The following MBTD1 variants were observed in gnomAD, a reference collection of about 807,000 sequenced individuals.
MBTD1 encodes the protein MBT domain-containing protein 1.
MBTD1 carries 24 observed loss-of-function variants against 87.8 expected under a neutral mutation model. The observed-to-expected ratio is 0.27, with a 90% CI of 0.20 to 0.38. The LOEUF (loss-of-function observed/expected upper bound fraction) is 0.38, where lower values mean the gene tolerates loss of function less well. MBTD1 is among the 10% of genes least tolerant of loss of function. The probability of loss-of-function intolerance (pLI) is 1.00; values close to 1 mark genes in which losing one functional copy is unlikely to be tolerated. For missense variants in MBTD1, 436 were observed against 760.2 expected, an observed-to-expected ratio of 0.57 and a Z score of 5.02; for synonymous variants, 237 against 248.6, an observed-to-expected ratio of 0.95 and a Z score of 0.44.
chr17:51,224,144 A>G (rs1387323902), intron 3 of MBTD1, among the ~76,000 whole-genome samples: 1 of 152,134 alleles, frequency 6.6e-6, no homozygotes, highest in Admixed American at 6.6e-5. Context: ...AGGATGTGGG[A>G]CTTTCAATGG....
chr17:51,211,943 C>T (rs1317509617), intron 6 of MBTD1, among the ~76,000 whole-genome samples: 2 of 152,008 alleles, frequency 1.3e-5, no homozygotes, highest in Non-Finnish European at 2.9e-5. Context: ...ATGGGATACA[C>T]ACTGCAAAAA....
upstream of MBTD1, chr17:51,260,438 AG>A (rs1322932374): frequency 2.4e-6 from 2 of 841,178 alleles, no homozygotes; most frequent in Non-Finnish European, 1.8e-6. Flanking sequence ...GGAGTTACGT[AG>A]AGGGAGGGAG....
At chr17:51,257,361 G>T (rs1035289063) in intron 2 of MBTD1, among the ~76,000 whole-genome samples, 9 of 152,178 alleles carry the variant, frequency 5.9e-5, no homozygotes, top group Non-Finnish European at 1.0e-4. Flanking sequence ...TTAGAATGTG[G>T]TTACTCAGAC....
At chr17:51,227,466 T>G (rs1389224533) in intron 2 of MBTD1, among the ~76,000 whole-genome samples, 9 of 148,536 alleles carry the variant, frequency 6.1e-5, no homozygotes, top group Non-Finnish European at 1.5e-5. Context: ...GAGGCTGAAG[T>G]AGGAGGATAG....
At chr17:51,207,882 A>G (rs540900148) in intron 6 of MBTD1, among the ~76,000 whole-genome samples, 1 of 152,220 alleles carries the variant, frequency 6.6e-6, no homozygotes, top group African/African-American at 2.4e-5. Context: ...TGATAACACT[A>G]AACAGTTTGT....
chr17:51,251,822 G>C (rs2054804528), intron 2 of MBTD1: 1 of 152,264 alleles, frequency 6.6e-6, no homozygotes, highest in African/African-American at 2.4e-5. Context: ...CTGCAGTGCA[G>C]TGGCATGATC....
intron 2 of MBTD1, among the ~76,000 whole-genome samples, chr17:51,236,910 G>A (rs1319825465): frequency 1.3e-5 from 2 of 152,136 alleles, no homozygotes; most frequent in African/African-American, 2.4e-5. Flanking sequence ...GTAAGTTAAC[G>A]TAAGAGTTCT....
chr17:51,194,398 T>C (rs2050965532), intron 13 of MBTD1, among the ~76,000 whole-genome samples: 4 of 151,504 alleles, frequency 2.6e-5, no homozygotes, highest in Admixed American at 2.0e-4. Context: ...GGCGAAACCC[T>C]GTCTCTACTA....
upstream of MBTD1, chr17:51,260,489 G>A (rs1268032003): frequency 1.7e-5 from 23 of 1,368,814 alleles, no homozygotes; most frequent in Non-Finnish European, 5.9e-6. Context: ...GCTCCTTCCG[G>A]CCCCCGGGGC....
chr17:51,193,578 A>G (rs751820402), intron 13 of MBTD1, 68 bp from the exon 14 acceptor site: 6 of 858,162 alleles, frequency 7.0e-6, no homozygotes, highest in Non-Finnish European at 1.2e-5. Flanking sequence ...TGCAGACAAA[A>G]AGTAACAGTA....
chr17:51,241,882 A>G (rs925490978), intron 2 of MBTD1, among the ~76,000 whole-genome samples: 10 of 152,122 alleles, frequency 6.6e-5, no homozygotes, highest in African/African-American at 1.2e-4. Context: ...TCAAGGTTTT[A>G]TAACTCGTTA....
upstream of MBTD1, chr17:51,260,554 TGAGCGCCTGCGTTTCTCCTC>T (rs775608016): frequency 6.3e-7 from 1 of 1,594,340 alleles, no homozygotes; most frequent in African/African-American, 1.4e-5. Context: ...AGGTTCCACG[TGAGCGCCTGCGTTTCTCCTC>T]AAACCTAACG....
In MBTD1 at chr17:51,179,867, G is replaced by A. The variant is rs1222005320; in HGVS notation, c.*709C>T. On this transcript the variant is annotated 3_prime_UTR_variant, in exon 17 of 17. Coordinates refer to ENST00000586178, the MANE Select transcript of MBTD1 (RefSeq NM_017643.3). ...CCTGAATATCTTGTCAACCATTCCA[G>A]TTTAACACTTTAGTGTTAGGATAAT... 1.3e-5 allele frequency: 2 copies of A among 151,922 alleles called. No individual in the cohort carries two copies. Among genetic ancestry groups the A allele is most frequent in the Non-Finnish European group, 2.9e-5 (2 of 68,000 alleles). 9.4% of individuals were successfully genotyped at this position (151,922 alleles called of 1,614,324 possible).
intron 2 of MBTD1, among the ~76,000 whole-genome samples, chr17:51,227,324 G>A (rs546396140): frequency 1.3e-5 from 2 of 151,460 alleles, no homozygotes. Context: ...ACTTTGAGAA[G>A]TCAAGGCTGG....
chr17:51,220,161 A>G (rs1307193766), intron 4 of MBTD1, among the ~76,000 whole-genome samples, 169 bp downstream of exon 4: 1 of 152,238 alleles, frequency 6.6e-6, no homozygotes, highest in Non-Finnish European at 1.5e-5. Context: ...TAGTTTTTCA[A>G]TTTTATAGGC....
In MBTD1 at chr17:51,190,750, A is replaced by AAAT. The variant is rs1555677185; in HGVS notation, c.1768+1452_1768+1453insATT. Among the ~76,000 whole-genome samples the AAAT allele has an allele frequency of 1.2e-3, 48 of 39,706 alleles. 1 individual carries two copies. The highest frequency in any genetic ancestry group is 3.2e-3 in the African/African-American group (21 of 6,574). The allele number at this position is 39,706 out of a possible 152,430, so 26.0% of individuals were successfully genotyped here. A position where few individuals can be genotyped will look rare whatever the true frequency, so the allele number is the denominator to read the frequency against. On this transcript the variant is annotated intron_variant, in intron 16 of 16. Coordinates refer to ENST00000586178, the MANE Select transcript of MBTD1 (RefSeq NM_017643.3). ...AAAAAAAAAAAAAAAAAAAAAAAAA[A>AAAT]ATATATATATATATATATATAACCT...
chr17:51,255,914 T>C (rs2055062427), intron 2 of MBTD1, among the ~76,000 whole-genome samples: 1 of 152,218 alleles, frequency 6.6e-6, no homozygotes, highest in Non-Finnish European at 1.5e-5. Context: ...AACCAATATT[T>C]ATTGAACGAT....
At chr17:51,242,954 T>C (rs1190217422) in intron 2 of MBTD1, among the ~76,000 whole-genome samples, 1 of 152,180 alleles carries the variant, frequency 6.6e-6, no homozygotes, top group Non-Finnish European at 1.5e-5. Flanking sequence ...AGTACTCCAT[T>C]GTGTATGTTT....
At chr17:51,251,667 T>C (rs1244851045) in intron 2 of MBTD1, 1 of 152,244 alleles carries the variant, frequency 6.6e-6, no homozygotes, top group Non-Finnish European at 1.5e-5. Context: ...TTTATTTCTC[T>C]ACCTATAAGA....
Sources: allele counts gnomAD v4.1 joint callset (sites outside exome capture counted in the v4.1 genomes callset), GRCh38; gene constraint gnomAD v4.1.1; transcripts MANE v1.5; gene names NCBI Gene and HGNC (gene_info 2026-07-23, HGNC 2026-07-21).